The following PAN3 variants were observed in gnomAD, a reference collection of about 807,000 sequenced individuals.
PAN3 encodes PAN2-PAN3 deadenylation complex subunit PAN3.
PAN3 carries 19 observed loss-of-function variants against 96.2 expected under a neutral mutation model. The observed-to-expected ratio is 0.20, with a 90% CI of 0.14 to 0.29. The LOEUF (loss-of-function observed/expected upper bound fraction) is 0.29. PAN3 is among the 10% of genes least tolerant of loss of function. The probability of loss-of-function intolerance (pLI) is 1.00; values close to 1 mark genes in which losing one functional copy is unlikely to be tolerated. For synonymous variants in PAN3, 433 were observed against 406.6 expected (o/e 1.06, Z -0.78); for missense variants, 882 against 1,108.1 (o/e 0.80, Z 2.90).
At chr13:28,280,638 T>C in intron 16 of PAN3, 97 bp downstream of exon 16, 1 of 1,131,662 alleles carries the variant, frequency 8.8e-7, no homozygotes, top group African/African-American at 1.6e-5. Context: ...CTCGGCTTAC[T>C]GTAACCTCTG....
At chr13:28,274,573 G>C (rs1284652225) in intron 14 of PAN3, among the ~76,000 whole-genome samples, 1 of 150,644 alleles carries the variant, frequency 6.6e-6, no homozygotes, top group Non-Finnish European at 1.5e-5. Flanking sequence ...GAGTCGTGTA[G>C]TTACCTTGAA....
chr13:28,289,027 C>T (rs1308778105), intron 18 of PAN3, among the ~76,000 whole-genome samples: 1 of 151,914 alleles, frequency 6.6e-6, no homozygotes, highest in Non-Finnish European at 1.5e-5. Context: ...AGGATTTCAC[C>T]ATGTTAGCCA....
At chr13:28,258,662 C>G (rs547274859) in intron 7 of PAN3, among the ~76,000 whole-genome samples, 26 of 152,142 alleles carry the variant, frequency 1.7e-4, no homozygotes, top group Non-Finnish European at 1.5e-4. Context: ...TACCCAAACA[C>G]CTTTAGTTTC....
Position 28,221,307 on chromosome 13 carries a change from T to C in PAN3, c.1000+929T>C, listed in dbSNP as rs994141212. On this transcript the variant is annotated intron_variant, in intron 6 of 18. Transcript: ENST00000380958. Reference sequence around the variant, plus strand: ...GAGTTGCACACACAAATTAGGCTTCTAGAACCTATACAGGAAAATCATCAC... The same window carrying C: ...GAGTTGCACACACAAATTAGGCTTCCAGAACCTATACAGGAAAATCATCAC... 2.0e-5 allele frequency among the ~76,000 whole-genome samples: 3 copies of C among 151,654 alleles called. No individual in the cohort carries two copies. In the East Asian group the frequency reaches 5.8e-4, roughly 29 times the overall value.
At chr13:28,282,384 C>T (rs1316707860) in intron 17 of PAN3, among the ~76,000 whole-genome samples, 1 of 151,002 alleles carries the variant, frequency 6.6e-6, no homozygotes, top group African/African-American at 2.4e-5. Flanking sequence ...TGCTTTTCTT[C>T]AAAGTCGAAA....
At chr13:28,248,118 G>A (rs1341277115) in intron 6 of PAN3, among the ~76,000 whole-genome samples, 2 of 152,018 alleles carry the variant, frequency 1.3e-5, no homozygotes, top group East Asian at 3.8e-4. Flanking sequence ...AGTTTTGCTT[G>A]TAGAGATCTT....
At chr13:28,259,481 A>G (rs1021568238) in intron 7 of PAN3, among the ~76,000 whole-genome samples, 1 of 151,134 alleles carries the variant, frequency 6.6e-6, no homozygotes, top group Non-Finnish European at 1.5e-5. Flanking sequence ...AATTTTTTGT[A>G]TTTTTAGTAG....
At chr13:28,207,113 T>C (rs6491267) in intron 5 of PAN3, among the ~76,000 whole-genome samples, 26,325 of 152,116 alleles carry the variant, frequency 0.17, 4,415 homozygotes, top group African/African-American at 0.44. Flanking sequence ...TGTATATTTT[T>C]CTTCAAACCT....
intron 2 of PAN3, among the ~76,000 whole-genome samples, chr13:28,176,120 A>C (rs923122313): frequency 1.3e-5 from 2 of 152,202 alleles, no homozygotes; most frequent in African/African-American, 4.8e-5. Flanking sequence ...AAATGGAGAA[A>C]GGGTATTAGA....
intron 1 of PAN3, among the ~76,000 whole-genome samples, chr13:28,158,799 A>T (rs1307516662): frequency 2.6e-5 from 4 of 151,768 alleles, no homozygotes; most frequent in East Asian, 3.9e-4. Context: ...AATGGCGTGA[A>T]CCCGGGAGGC....
chr13:28,155,807 T>G (rs1431706664), intron 1 of PAN3, among the ~76,000 whole-genome samples: 3 of 152,150 alleles, frequency 2.0e-5, no homozygotes, highest in African/African-American at 7.2e-5. Flanking sequence ...TTTCGAAAGA[T>G]GTATGAGGCA....
intron 5 of PAN3, among the ~76,000 whole-genome samples, chr13:28,206,554 T>C (rs1327701258): frequency 1.3e-5 from 2 of 151,988 alleles, no homozygotes; most frequent in Admixed American, 1.3e-4. Flanking sequence ...ACTCCTGACC[T>C]CAGGTGATCC....
chr13:28,257,979 T>C (rs571166595), intron 7 of PAN3, among the ~76,000 whole-genome samples: 1 of 151,654 alleles, frequency 6.6e-6, no homozygotes, highest in Admixed American at 6.6e-5. Context: ...CCTGGCTAAC[T>C]TTTGTATCTT....
intron 3 of PAN3, 117 bp from the exon 4 acceptor site, chr13:28,177,748 T>C: frequency 1.3e-6 from 1 of 776,930 alleles, no homozygotes; most frequent in South Asian, 1.6e-5. Flanking sequence ...GTGTGTTAGG[T>C]ACTAAGTTTA....
At chr13:28,169,722 G>T (rs1874057158) in intron 1 of PAN3, among the ~76,000 whole-genome samples, 1 of 151,932 alleles carries the variant, frequency 6.6e-6, no homozygotes, top group Non-Finnish European at 1.5e-5. Context: ...TCAAACGTAA[G>T]TATATGCGTG....
intron 6 of PAN3, among the ~76,000 whole-genome samples, chr13:28,235,278 CATT>C (rs1347818062): frequency 6.6e-6 from 1 of 152,170 alleles, no homozygotes; most frequent in Non-Finnish European, 1.5e-5. Flanking sequence ...AGTTTCCCAC[CATT>C]ATTTTCCATC....
intron 17 of PAN3, 72 bp from the exon 18 acceptor site, chr13:28,287,912 G>A (rs569474869): frequency 2.1e-6 from 3 of 1,408,984 alleles, no homozygotes; most frequent in African/African-American, 1.5e-5. Context: ...CTAGTTTGGA[G>A]TCTAAAAAAT....
chr13:28,250,888 T>C (rs1187456790), intron 6 of PAN3, among the ~76,000 whole-genome samples: 3 of 152,248 alleles, frequency 2.0e-5, no homozygotes, highest in Non-Finnish European at 4.4e-5. Flanking sequence ...TTTTTTCGAA[T>C]GTTGCTTCTC....
chr13:28,267,175 C>T lies in PAN3; in HGVS notation c.1654C>T (p.Arg552Cys), dbSNP rs769776435. The T allele has an allele frequency of 8.7e-6, 14 of 1,612,852 alleles. No individual in the cohort carries two copies. The highest frequency in any genetic ancestry group is 2.2e-5 in the East Asian group (1 of 44,830). ...TCAACACTCAAATATCGTAACTTTGCGTGAAGTATTTACCACTAAAGCATT... is the reference window on the plus strand; with the variant it reads ...TCAACACTCAAATATCGTAACTTTGTGTGAAGTATTTACCACTAAAGCATT... ...KIQHSNIVTL[R>C]EVFTTKAFAE... The change falls in exon 11 of 19, where the codon CGT (arginine) becomes TGT (cysteine). Residue 552 changes from arginine to cysteine, a missense_variant. Physicochemically the swap from Arg to Cys is radical, Grantham distance 180. This residue lies in a region of PAN3 where 364 missense variants were observed against 513.6 expected (regional missense o/e 0.71). Coordinates refer to ENST00000380958, the MANE Select transcript of PAN3 (RefSeq NM_175854.8).
Sources: gnomAD v4.1 joint callset for allele counts (sites outside exome capture counted in the v4.1 genomes callset) on GRCh38, gnomAD v4.1.1 for gene constraint, gnomAD v4.1.1 regional missense constraint, MANE v1.5 for transcripts, NCBI Gene and HGNC (gene_info 2026-07-23, HGNC 2026-07-21) for gene names.